The following DLGAP1 variants were observed in gnomAD, a reference collection of about 807,000 sequenced individuals.
DLGAP1 encodes disks large-associated protein 1.
A neutral mutation model predicts 90.8 loss-of-function variants in DLGAP1; 11 were observed. The ratio of observed to expected loss-of-function variants is 0.12; its 90% CI spans 0.08 to 0.20. The LOEUF (loss-of-function observed/expected upper bound fraction) is 0.20. DLGAP1 is among the 10% of genes least tolerant of loss of function. The pLI is 1.00. For synonymous variants in DLGAP1, 558 were observed against 540.7 expected, an observed-to-expected ratio of 1.03 and a Z score of -0.44; for missense variants, 1,050 against 1,333.8, an observed-to-expected ratio of 0.79 and a Z score of 3.31.
intron 7 of DLGAP1, among the ~76,000 whole-genome samples, chr18:3,646,032 G>A (rs917114566): frequency 6.2e-4 from 95 of 152,118 alleles, no homozygotes; most frequent in African/African-American, 2.2e-3. Context: ...TTTGACGGTG[G>A]TAGTTTTCAA....
In DLGAP1 at chr18:3,498,285, A is replaced by T. The variant is rs867010362; in HGVS notation, c.*900T>A. The T allele has an allele frequency of 1.3e-5, 2 of 152,246 alleles. No homozygotes were observed. The highest frequency in any genetic ancestry group is 2.4e-5 in the African/African-American group (1 of 41,460). 9.4% of individuals were successfully genotyped at this position (152,246 alleles called of 1,614,324 possible). On this transcript the variant is annotated 3_prime_UTR_variant, in exon 13 of 13. Transcript: ENST00000315677. ...TAAAAACAGCCGCCACGACAACAATATAAATATACACAGTACAATAAGAGT... is the reference window on the plus strand; with the variant it reads ...TAAAAACAGCCGCCACGACAACAATTTAAATATACACAGTACAATAAGAGT...
intron 2 of DLGAP1, among the ~76,000 whole-genome samples, chr18:4,034,010 G>T (rs9675927): frequency 0.91 from 136,082 of 149,102 alleles, 63,422 homozygotes; most frequent in East Asian, 1. Flanking sequence ...GTGCTGGGAT[G>T]AGGGGCATGA....
intron 3 of DLGAP1, among the ~76,000 whole-genome samples, chr18:3,904,452 C>T (rs1378914511): frequency 6.6e-6 from 1 of 151,126 alleles, no homozygotes; most frequent in Non-Finnish European, 1.5e-5. Context: ...TATGGGAGTC[C>T]TTAAGCCTGG....
chr18:4,152,143 C>G (rs1015218516), intron 1 of DLGAP1, among the ~76,000 whole-genome samples: 1 of 152,108 alleles, frequency 6.6e-6, no homozygotes, highest in African/African-American at 2.4e-5. Context: ...CTGGGTCACA[C>G]AGAAAACTGA....
At chr18:3,742,949 T>TCTTCCTTCCTTC (rs143048862) in intron 5 of DLGAP1, among the ~76,000 whole-genome samples, 4,779 of 142,702 alleles carry the variant, frequency 0.033, 124 homozygotes, top group African/African-American at 0.059. Flanking sequence ...TATCAATTTA[T>TCTTCCTTCCTTC]CTTCCTTCCT....
intron 4 of DLGAP1, among the ~76,000 whole-genome samples, chr18:3,870,986 TCA>T (rs1323614194): frequency 6.6e-6 from 1 of 152,194 alleles, no homozygotes; most frequent in Non-Finnish European, 1.5e-5. Context: ...GACTGTTGAG[TCA>T]CAAACTTGCT....
chr18:3,887,638 ATTT>A lies in DLGAP1; in HGVS notation c.-72-7501_-72-7499del, dbSNP rs958712712. The stretch of plus-strand genomic sequence containing the variant: ...ACCACAGTCTGAACACATACATGAC[ATTT>A]TTTTTTAGACAGAACAAAATTAATT... On this transcript the variant is annotated intron_variant, in intron 3 of 12. Transcript: ENST00000315677. Among the ~76,000 whole-genome samples the A allele has an allele frequency of 2.0e-5, 3 of 151,402 alleles. No individual in the cohort carries two copies. The South Asian group carries it at 6.3e-4, about 32-fold the overall frequency.
chr18:3,726,661 T>G (rs2062192924), intron 7 of DLGAP1, among the ~76,000 whole-genome samples: 1 of 152,238 alleles, frequency 6.6e-6, no homozygotes, highest in Non-Finnish European at 1.5e-5. Flanking sequence ...TTAAACTGTT[T>G]ATTTTTCCAC....
intron 4 of DLGAP1, among the ~76,000 whole-genome samples, chr18:3,859,545 T>C (rs1194115929): frequency 6.6e-6 from 1 of 152,044 alleles, no homozygotes; most frequent in Non-Finnish European, 1.5e-5. Context: ...GTGGGCCCAA[T>C]ATAATCACAA....
intron 4 of DLGAP1, among the ~76,000 whole-genome samples, chr18:3,851,183 C>G (rs1316383537): frequency 2.0e-5 from 3 of 152,150 alleles, no homozygotes; most frequent in South Asian, 4.1e-4. Flanking sequence ...TGAATATCCA[C>G]TCCCCAAAAG....
At chr18:3,923,840 A>C (rs2072321523) in intron 3 of DLGAP1, among the ~76,000 whole-genome samples, 1 of 152,194 alleles carries the variant, frequency 6.6e-6, no homozygotes, top group Non-Finnish European at 1.5e-5. Flanking sequence ...TCACTTTTAG[A>C]AAGGAGAATC....
intron 8 of DLGAP1, among the ~76,000 whole-genome samples, chr18:3,577,553 T>A (rs781405206): frequency 6.6e-6 from 1 of 152,156 alleles, no homozygotes; most frequent in Non-Finnish European, 1.5e-5. Flanking sequence ...AGAAGACGCA[T>A]GGTAGTTATT....
intron 5 of DLGAP1, among the ~76,000 whole-genome samples, chr18:3,772,381 T>C (rs1246460440): frequency 4.9e-3 from 65 of 13,164 alleles, no homozygotes; most frequent in Non-Finnish European, 0.018. Flanking sequence ...TCTTTCTTTC[T>C]TTCTTTCTTT....
At chr18:3,779,378 G>C (rs2065084122) in intron 5 of DLGAP1, among the ~76,000 whole-genome samples, 1 of 152,030 alleles carries the variant, frequency 6.6e-6, no homozygotes, top group Non-Finnish European at 1.5e-5. Flanking sequence ...GTCTGGCCCA[G>C]CAATCAGTTT....
chr18:3,813,987 G>T, intron 5 of DLGAP1, 72 bp downstream of exon 5: 1 of 1,474,706 alleles, frequency 6.8e-7, no homozygotes, highest in Non-Finnish European at 9.5e-7. Context: ...TACTCTAGGA[G>T]ACACACCATC....
intron 1 of DLGAP1, among the ~76,000 whole-genome samples, chr18:4,366,390 T>A (rs1234387381): frequency 6.6e-6 from 1 of 152,140 alleles, no homozygotes; most frequent in Non-Finnish European, 1.5e-5. Context: ...TAAAAGCCCA[T>A]TCATTTCTAA....
At chr18:4,115,638 A>G (rs2076051551) in intron 2 of DLGAP1, among the ~76,000 whole-genome samples, 1 of 152,226 alleles carries the variant, frequency 6.6e-6, no homozygotes, top group African/African-American at 2.4e-5. Flanking sequence ...GGCGCCTGCC[A>G]CAACGCCTGG....
chr18:3,845,386 T>G, intron 4 of DLGAP1: 8 of 1,416,682 alleles, frequency 5.6e-6, no homozygotes, highest in Admixed American at 2.2e-5. Context: ...AACACAGGAC[T>G]TGGGGGTGGG....
At chr18:4,206,050 T>A (rs181362454) in intron 1 of DLGAP1, among the ~76,000 whole-genome samples, 7 of 152,222 alleles carry the variant, frequency 4.6e-5, no homozygotes, top group Admixed American at 3.9e-4. Context: ...TTGCTAAGTA[T>A]CTGGTATAGA....
Sources: gnomAD v4.1 joint callset for allele counts (sites outside exome capture counted in the v4.1 genomes callset) on GRCh38, gnomAD v4.1.1 for gene constraint, MANE v1.5 for transcripts, NCBI Gene and HGNC (gene_info 2026-07-23, HGNC 2026-07-21) for gene names.